The following HCN1 variants were observed in gnomAD, a reference collection of about 807,000 sequenced individuals.
HCN1 encodes potassium/sodium hyperpolarization-activated cyclic nucleotide-gated channel 1.
A neutral mutation model predicts 78.9 loss-of-function variants in HCN1; 13 were observed. The ratio of observed to expected loss-of-function variants is 0.16; its 90% CI spans 0.11 to 0.26. The LOEUF (loss-of-function observed/expected upper bound fraction) is 0.26, where lower values mean the gene tolerates loss of function less well. Ranked by LOEUF, HCN1 falls within the 10% of genes least tolerant of loss-of-function variation. HCN1 has a pLI of 1.00. For synonymous variants in HCN1, 552 were observed against 455.5 expected (o/e 1.21, Z -2.70); for missense variants, 810 against 1,154.3 (o/e 0.70, Z 4.32).
intron 2 of HCN1, among the ~76,000 whole-genome samples, chr5:45,633,291 A>G (rs1448909690): frequency 6.6e-6 from 1 of 151,382 alleles, no homozygotes; most frequent in Non-Finnish European, 1.5e-5. Flanking sequence ...AAAGCATATT[A>G]ATATTATTTT....
Position 45,353,085 on chromosome 5 carries a change from G to A in HCN1, c.1377+15C>T, listed in dbSNP as rs371752783. 3 of 1,596,136 alleles carry A rather than the reference G, an allele frequency of 1.9e-6. No homozygotes were observed. Among genetic ancestry groups the A allele is most frequent in the Non-Finnish European group, 2.6e-6 (3 of 1,165,868 alleles). ...ATGATTATGTATTATGCATACTGAG[G>A]ACAATAAATCTTACCTCTCTCAGAG... On this transcript the variant is annotated intron_variant, in intron 5 of 7. Coordinates refer to ENST00000303230, the MANE Select transcript of HCN1 (RefSeq NM_021072.4).
At chr5:45,298,143 A>C (rs1745536876) in intron 6 of HCN1, among the ~76,000 whole-genome samples, 1 of 152,054 alleles carries the variant, frequency 6.6e-6, no homozygotes, top group African/African-American at 2.4e-5. Context: ...TGAGAGGTGA[A>C]GACTTTATGA....
chr5:45,282,986 G>A (rs560125626), intron 6 of HCN1, among the ~76,000 whole-genome samples: 1 of 152,138 alleles, frequency 6.6e-6, no homozygotes, highest in East Asian at 1.9e-4. Flanking sequence ...ATTAAGCTTT[G>A]TAAAGGTAAT....
At chr5:45,620,918 T>C (rs2111994322) in intron 2 of HCN1, among the ~76,000 whole-genome samples, 1 of 152,280 alleles carries the variant, frequency 6.6e-6, no homozygotes, top group Middle Eastern at 3.4e-3. Flanking sequence ...TCCTTCCAGA[T>C]GGTTGGGATA....
At chr5:45,581,444 TA>T (rs781571204) in intron 2 of HCN1, among the ~76,000 whole-genome samples, 3 of 152,154 alleles carry the variant, frequency 2.0e-5, no homozygotes, top group Non-Finnish European at 4.4e-5. Context: ...GAGTAGATTG[TA>T]AAATTTTTCT....
intron 2 of HCN1, among the ~76,000 whole-genome samples, chr5:45,492,292 G>C (rs1741899819): frequency 7.1e-6 from 1 of 140,404 alleles, no homozygotes; most frequent in South Asian, 2.3e-4. Context: ...CCAAAACTCT[G>C]TGTATGTGTG....
chr5:45,525,701 C>T (rs746644914), intron 2 of HCN1, among the ~76,000 whole-genome samples: 1 of 151,946 alleles, frequency 6.6e-6, no homozygotes, highest in Non-Finnish European at 1.5e-5. Flanking sequence ...AATTGATTTG[C>T]CCCAGTCTAC....
chr5:45,403,391 A>G (rs1739861396), intron 3 of HCN1, among the ~76,000 whole-genome samples: 1 of 152,186 alleles, frequency 6.6e-6, no homozygotes, highest in African/African-American at 2.4e-5. Context: ...TTTATAAAGG[A>G]AAGTGGTTTA....
At chr5:45,372,886 C>CA (rs2112009493) in intron 4 of HCN1, among the ~76,000 whole-genome samples, 1 of 139,968 alleles carries the variant, frequency 7.1e-6, no homozygotes, top group African/African-American at 2.6e-5. Context: ...ATTCTATACA[C>CA]AAAAATATGT....
At chr5:45,374,144 TTA>T (rs1160599357) in intron 4 of HCN1, among the ~76,000 whole-genome samples, 2 of 78,202 alleles carry the variant, frequency 2.6e-5, no homozygotes, top group East Asian at 3.0e-4. Flanking sequence ...TATATACATA[TTA>T]TATATAATAT....
At chr5:45,686,423 G>C (rs1054209372) in intron 1 of HCN1, among the ~76,000 whole-genome samples, 7 of 152,128 alleles carry the variant, frequency 4.6e-5, no homozygotes, top group Non-Finnish European at 7.3e-5. Context: ...GCTGCCAACT[G>C]TGGAACACAA....
intron 6 of HCN1, among the ~76,000 whole-genome samples, chr5:45,280,607 G>T (rs1305359743): frequency 6.6e-6 from 1 of 152,174 alleles, no homozygotes; most frequent in African/African-American, 2.4e-5. Context: ...TGACAGGAGT[G>T]CTCATGAGGA....
intron 6 of HCN1, among the ~76,000 whole-genome samples, chr5:45,275,883 C>T (rs932498831): frequency 6.6e-6 from 1 of 152,070 alleles, no homozygotes; most frequent in African/African-American, 2.4e-5. Context: ...TCCAAATTGT[C>T]CCTTTCAATC....
chr5:45,582,227 G>T (rs1744095084), intron 2 of HCN1, among the ~76,000 whole-genome samples: 1 of 152,068 alleles, frequency 6.6e-6, no homozygotes, highest in African/African-American at 2.4e-5. Flanking sequence ...TCCTTGAAGA[G>T]GTCCTTCACT....
At chr5:45,659,220 C>T (rs899208140) in intron 1 of HCN1, among the ~76,000 whole-genome samples, 1 of 146,474 alleles carries the variant, frequency 6.8e-6, no homozygotes, top group Admixed American at 6.8e-5. Flanking sequence ...GCAGGGTATT[C>T]TAACAGACCT....
chr5:45,391,136 T>G (rs1030180538), intron 4 of HCN1, among the ~76,000 whole-genome samples: 4 of 152,108 alleles, frequency 2.6e-5, no homozygotes, highest in African/African-American at 9.7e-5. Context: ...GCATTCTTAT[T>G]TGTAAAGGAA....
At chr5:45,398,176 A>G (rs1213614026) in intron 3 of HCN1, among the ~76,000 whole-genome samples, 1 of 152,028 alleles carries the variant, frequency 6.6e-6, no homozygotes, top group Non-Finnish European at 1.5e-5. Context: ...TTATCATGCC[A>G]ATCTGTTTCA....
chr5:45,295,577 C>T (rs910072308), intron 6 of HCN1, among the ~76,000 whole-genome samples: 4 of 152,030 alleles, frequency 2.6e-5, no homozygotes, highest in Non-Finnish European at 4.4e-5. Context: ...CATACTCCTG[C>T]ATTATTGTAG....
intron 1 of HCN1, among the ~76,000 whole-genome samples, chr5:45,669,776 T>C (rs188481838): frequency 4.0e-5 from 6 of 151,878 alleles, no homozygotes; most frequent in South Asian, 2.1e-4. Context: ...GAAGAACAAA[T>C]TGCAAACAGT....
Sources: gnomAD v4.1 joint callset for allele counts (sites outside exome capture counted in the v4.1 genomes callset) on GRCh38, gnomAD v4.1.1 for gene constraint, MANE v1.5 for transcripts, NCBI Gene and HGNC (gene_info 2026-07-23, HGNC 2026-07-21) for gene names.